Variants in ZNF268 observed in about 807,000 individuals in gnomAD.
ZNF268 encodes zinc finger protein 3.
Under a neutral mutation model 29.3 loss-of-function variants are expected in ZNF268, and 20 were observed. The ratio of observed to expected loss-of-function variants is 0.68; its 90% CI spans 0.48 to 0.99. The LOEUF (loss-of-function observed/expected upper bound fraction) is 0.99. Among genes scored for constraint, ZNF268 ranks in the 50% least tolerant of loss-of-function variants. The probability of loss-of-function intolerance (pLI) is 0.00; values close to 1 mark genes in which losing one functional copy is unlikely to be tolerated. For synonymous variants in ZNF268, 429 were observed against 376.9 expected (o/e 1.14, Z -1.60); for missense variants, 1,240 against 1,121.6 (o/e 1.11, Z -1.51).
In ZNF268 at chr12:133,201,480, A is replaced by G. The variant is rs527948503; in HGVS notation, c.458-664A>G. On this transcript the variant is annotated intron_variant, in intron 5 of 5. Coordinates refer to ENST00000536435, the MANE Select transcript of ZNF268 (RefSeq NM_003415.3). The stretch of plus-strand genomic sequence containing the variant: ...TTTTGACTTTATTCCTCATTGCTCT[A>G]TTTTCTGTCCTCTAGTTTTCCTAAA... Among the ~76,000 whole-genome samples the G allele has an allele frequency of 2.0e-5, 3 of 151,854 alleles. No individual in the cohort carries two copies. In the South Asian group the frequency reaches 6.2e-4, roughly 32 times the overall value.
chr12:133,199,532 AG>A (rs1014606681), intron 5 of ZNF268, among the ~76,000 whole-genome samples: 1 of 149,206 alleles, frequency 6.7e-6, no homozygotes, highest in African/African-American at 2.5e-5. Context: ...CTTTGGTATC[AG>A]GATGATGCTG....
chr12:133,204,185 C>A lies in ZNF268; in HGVS notation c.2499C>A (p.Val833=). ...TACATGAGCGAACTCATGCAGGGGT[C>A]AACCCTTATAAATGCAGTCAATGTG... The part of the protein sequence containing the change: ...LIVHERTHAG[V]NPYKCSQCEK... The change falls in exon 6 of 6, where the codon GTC becomes GTA. Residue 833 remains valine, a synonymous_variant. Transcript: ENST00000536435. 1 of 1,540,692 alleles carries A rather than the reference C, an allele frequency of 6.5e-7. No homozygotes were observed. Among genetic ancestry groups the A allele is most frequent in the Non-Finnish European group, 8.7e-7 (1 of 1,147,182 alleles).
In ZNF268 at chr12:133,203,676, G is replaced by A; in HGVS notation, c.1990G>A (p.Gly664Arg). The change falls in exon 6 of 6, where the codon GGA becomes AGA. Residue 664 changes from glycine to arginine, a missense_variant. By Grantham distance (125) the Gly-to-Arg change is moderately radical (BLOSUM62 -2). Around this residue, in one of 3 missense-constraint regions of ZNF268, gnomAD observed 1,177 missense variants for 1,039.6 expected, o/e 1.13. Coordinates refer to ENST00000536435, the MANE Select transcript of ZNF268 (RefSeq NM_003415.3). ...CATTGTACATAAAGGAGTGCACACT[G>A]GAGTAAAACCCTATGGATGCAGTCA... ...QLIVHKGVHT[G>R]VKPYGCSQCA... The A allele has an allele frequency of 6.5e-7, 1 of 1,549,718 alleles. No individual in the cohort carries two copies. Among genetic ancestry groups the A allele is most frequent in the Non-Finnish European group, 8.7e-7 (1 of 1,152,960 alleles).
Position 133,210,618 on chromosome 12 carries a change from T to A in ZNF268, c.*6088T>A. On this transcript the variant is annotated 3_prime_UTR_variant, in exon 6 of 6. Coordinates refer to ENST00000536435, the MANE Select transcript of ZNF268 (RefSeq NM_003415.3). ...CAGGTTGGTCCTGAGATGAGGTAAA[T>A]TCTGGTCATCACTGTGAAGTGCCCT... The A allele has an allele frequency of 2.9e-6, 1 of 339,442 alleles. No homozygotes were observed. Among genetic ancestry groups the A allele is most frequent in the South Asian group, 2.3e-5 (1 of 44,256 alleles). 21.0% of individuals were successfully genotyped at this position (339,442 alleles called of 1,614,324 possible).
chr12:133,184,811 A>G (rs1322336273), intron 2 of ZNF268: 4 of 381,998 alleles, frequency 1.0e-5, no homozygotes, highest in African/African-American at 2.1e-5. Context: ...TACCATCACA[A>G]TGGGGGTTAA....
In ZNF268 at chr12:133,205,172, A is replaced by C. The variant is rs1326472703; in HGVS notation, c.*642A>C. On this transcript the variant is annotated 3_prime_UTR_variant, in exon 6 of 6. Coordinates refer to ENST00000536435, the MANE Select transcript of ZNF268 (RefSeq NM_003415.3). ...AAAAAAAAAAAAAAAAAAAAAAAAA[A>C]ACCAACCTGTTATTATATCTTAATA... 3 of 133,578 alleles carry C rather than the reference A, an allele frequency of 2.2e-5. No individual in the cohort carries two copies. The highest frequency in any genetic ancestry group is 6.1e-5 in the African/African-American group (2 of 32,592). The allele number at this position is 133,578 out of a possible 1,614,324, so 8.3% of individuals were successfully genotyped here.
Position 133,206,684 on chromosome 12 carries a change from A to G in ZNF268, c.*2154A>G, listed in dbSNP as rs1019351142. Reference sequence around the variant, plus strand: ...TACCCAAAGAAATTTTCATCCTTGAAGCGGAGGAATTTAATGATACCTGAA... The same window carrying G: ...TACCCAAAGAAATTTTCATCCTTGAGGCGGAGGAATTTAATGATACCTGAA... On this transcript the variant is annotated 3_prime_UTR_variant, in exon 6 of 6. Coordinates refer to ENST00000536435, the MANE Select transcript of ZNF268 (RefSeq NM_003415.3). The G allele has an allele frequency of 6.6e-6, 1 of 151,982 alleles. No homozygotes were observed. The highest frequency in any genetic ancestry group is 2.4e-5 in the African/African-American group (1 of 41,452). The allele number at this position is 151,982 out of a possible 1,614,324, so 9.4% of individuals were successfully genotyped here. A position where few individuals can be genotyped will look rare whatever the true frequency, so the allele number is the denominator to read the frequency against.
intron 5 of ZNF268, among the ~76,000 whole-genome samples, chr12:133,197,144 G>A (rs575469077): frequency 2.0e-4 from 30 of 147,878 alleles, no homozygotes; most frequent in African/African-American, 6.3e-4. Flanking sequence ...CCACTAATTC[G>A]TCATCTAGCA....
rs563791131 is a variant in ZNF268 at position 133,183,405 on chromosome 12, CAGG to C, written c.33+1378_33+1380del. Among the ~76,000 whole-genome samples, 781 of 151,294 alleles carry C rather than the reference CAGG, an allele frequency of 5.2e-3. 7 individuals carry two copies. The highest frequency in any genetic ancestry group is 0.018 in the African/African-American group (727 of 41,150). On this transcript the variant is annotated intron_variant, in intron 2 of 5. Transcript: ENST00000536435. ...ATCCCTGTTACTCGGGAGGCTGAGA[CAGG>C]AGAATCGCTTGAACCCAGGAGGCAG...
At chr12:133,196,952 TCTG>T (rs1393103074) in intron 5 of ZNF268, among the ~76,000 whole-genome samples, 4 of 151,814 alleles carry the variant, frequency 2.6e-5, no homozygotes, top group East Asian at 1.9e-4. Context: ...CCTGATCTGC[TCTG>T]CTTTCTTTTT....
intron 3 of ZNF268, among the ~76,000 whole-genome samples, chr12:133,190,409 C>G (rs1160082870): frequency 6.6e-6 from 1 of 152,138 alleles, no homozygotes; most frequent in Non-Finnish European, 1.5e-5. Flanking sequence ...ACTTTTCATT[C>G]CCACCAGCAA....
rs558043365 is a variant in ZNF268, at chr12:133,202,622, CT to C, written c.938del (p.Phe313SerfsTer87). 703 of 1,604,878 alleles carry C rather than the reference CT, an allele frequency of 4.4e-4. No individual in the cohort carries two copies. The highest frequency in any genetic ancestry group is 5.6e-4 in the Non-Finnish European group (658 of 1,175,226). ...PYGCNECGKD[F>X]SSKSYLIVHQ... Reference sequence around the variant, plus strand: ...ATGGTTGTAATGAATGTGGGAAAGACTTCAGTAGTAAATCATACCTCATTGT... The same window carrying C: ...ATGGTTGTAATGAATGTGGGAAAGACTCAGTAGTAAATCATACCTCATTGT... On this transcript the variant is annotated frameshift_variant, in exon 6 of 6. Coordinates refer to ENST00000536435, the MANE Select transcript of ZNF268 (RefSeq NM_003415.3). LOFTEE classifies it low-confidence loss of function (END_TRUNC).
At chr12:133,186,328 C>A (rs186512855) in intron 2 of ZNF268, among the ~76,000 whole-genome samples, 1 of 151,992 alleles carries the variant, frequency 6.6e-6, no homozygotes, top group East Asian at 1.9e-4. Flanking sequence ...GTAGACTGTG[C>A]CCAGTGTACA....
chr12:133,193,208 C>T (rs1956516459), intron 5 of ZNF268, among the ~76,000 whole-genome samples: 1 of 152,040 alleles, frequency 6.6e-6, no homozygotes, highest in Non-Finnish European at 1.5e-5. Context: ...TGGTGTGCAC[C>T]TGTTGTCCCA....
Position 133,203,414 on chromosome 12 carries a change from A to G in ZNF268, c.1728A>G (p.Arg576=). 1 of 1,544,900 alleles carries G rather than the reference A, an allele frequency of 6.5e-7. No homozygotes were observed. The change falls in exon 6 of 6, where the codon AGA becomes AGG. Residue 576 remains arginine (R), a synonymous_variant. Coordinates refer to ENST00000536435, the MANE Select transcript of ZNF268 (RefSeq NM_003415.3). Reference sequence around the variant, plus strand: ...AATACCAGCTTATTTCACACCAGAGAACTCATGCAGGAGAGAAGCCTTATG... The same window carrying G: ...AATACCAGCTTATTTCACACCAGAGGACTCATGCAGGAGAGAAGCCTTATG... ...SRKYQLISHQ[R]THAGEKPYEC... is the part of the protein sequence containing the mutation.
At chr12:133,194,380 C>T (rs1956548160) in intron 5 of ZNF268, among the ~76,000 whole-genome samples, 1 of 152,194 alleles carries the variant, frequency 6.6e-6, no homozygotes, top group Non-Finnish European at 1.5e-5. Context: ...GTGATTGACT[C>T]ACTCAATCGC....
At chr12:133,193,869 C>T (rs1956534577) in intron 5 of ZNF268, among the ~76,000 whole-genome samples, 1 of 152,168 alleles carries the variant, frequency 6.6e-6, no homozygotes, top group South Asian at 2.1e-4. Context: ...GTCTCTCCCA[C>T]TGCTCCACCT....
intron 5 of ZNF268, among the ~76,000 whole-genome samples, chr12:133,196,917 A>G (rs1204519244): frequency 6.6e-6 from 1 of 151,908 alleles, no homozygotes; most frequent in Non-Finnish European, 1.5e-5. Flanking sequence ...TTTCACAGTA[A>G]ACTTGGAGTG....
chr12:133,189,852 G>A (rs979435041), intron 3 of ZNF268, among the ~76,000 whole-genome samples: 2 of 152,192 alleles, frequency 1.3e-5, no homozygotes, highest in Admixed American at 1.3e-4. Flanking sequence ...CTGTCGCCTA[G>A]GCTGGAGCAC....
Sources: gnomAD v4.1 joint callset for allele counts (sites outside exome capture counted in the v4.1 genomes callset) on GRCh38, gnomAD v4.1.1 for gene constraint, gnomAD v4.1.1 regional missense constraint, MANE v1.5 for transcripts, NCBI Gene and HGNC (gene_info 2026-07-23, HGNC 2026-07-21) for gene names.